CEP63: variants seen among roughly 807,000 people sequenced by gnomAD.
The protein encoded by CEP63 is centrosomal protein of 63 kDa.
CEP63 carries 84 observed loss-of-function variants against 89.1 expected under a neutral mutation model. That is an observed-to-expected ratio of 0.94 (90% confidence interval 0.79 to 1.13). CEP63 has a LOEUF of 1.13. Ranked by LOEUF, CEP63 falls within the 50% of genes most tolerant of loss-of-function variation. The pLI is 0.00. For missense variants in CEP63, 838 were observed against 813.3 expected (o/e 1.03, Z -0.37); for synonymous variants, 267 against 272.5 (o/e 0.98, Z 0.20).
downstream of CEP63, among the ~76,000 whole-genome samples, chr3:134,568,339 A>C (rs974795603): frequency 8.5e-5 from 13 of 152,310 alleles, no homozygotes; most frequent in African/African-American, 3.1e-4. Flanking sequence ...CAACTTAAAT[A>C]AAATACAACA....
Position 134,507,138 on chromosome 3 carries a change from T to TA in CEP63, c.75dup (p.Gln26ThrfsTer8). On this transcript the variant is annotated frameshift_variant, in exon 3 of 15. Coordinates refer to ENST00000675561, the MANE Select transcript of CEP63 (RefSeq NM_001353108.3). LOFTEE classifies it high-confidence loss of function. ...TTTTTGACATCTTGTGAAGCAGAAC[T>TA]ACAGGAGCTCATGAAACAGATTGAC... is the stretch of plus-strand genomic sequence containing the variant. 6.2e-7 allele frequency: 1 copy of TA among 1,613,794 alleles called. No homozygotes were observed. Among genetic ancestry groups the TA allele is most frequent in the Non-Finnish European group, 8.5e-7 (1 of 1,179,866 alleles).
the CEP63 span, among the ~76,000 whole-genome samples, chr3:134,675,177 T>C: frequency 6.6e-6 from 1 of 152,184 alleles, no homozygotes; most frequent in African/African-American, 2.4e-5. Context: ...TAGTCTGGCA[T>C]ATGAATAGAC....
At chr3:134,493,564 G>A (rs1274315736) in intron 1 of CEP63, among the ~76,000 whole-genome samples, 2 of 152,040 alleles carry the variant, frequency 1.3e-5, no homozygotes, top group Admixed American at 6.6e-5. Context: ...TCACGTTTGT[G>A]CACAAATAAT....
At chr3:134,536,399 T>C (rs1950782136) in intron 5 of CEP63, 1 of 152,570 alleles carries the variant, frequency 6.6e-6, no homozygotes, top group African/African-American at 2.4e-5. Flanking sequence ...ACTTCTGGAG[T>C]TGAGGGTCCT....
the CEP63 span, among the ~76,000 whole-genome samples, chr3:134,599,910 G>A: frequency 6.6e-6 from 1 of 152,004 alleles, no homozygotes; most frequent in Admixed American, 6.6e-5. Flanking sequence ...AGAATGAATC[G>A]ATAATTACAT....
the CEP63 span, among the ~76,000 whole-genome samples, chr3:134,718,811 T>C: frequency 6.6e-6 from 1 of 152,244 alleles, no homozygotes; most frequent in Admixed American, 6.5e-5. Context: ...TTGATCAGAC[T>C]GGAGTGCACA....
At chr3:134,629,489 C>A in the CEP63 span, 3 of 666,544 alleles carry the variant, frequency 4.5e-6, no homozygotes, top group Admixed American at 7.5e-5. Flanking sequence ...ATGCTTCTGC[C>A]TTTTCCCAGT....
the CEP63 span, among the ~76,000 whole-genome samples, chr3:134,682,505 C>G: frequency 6.6e-6 from 1 of 152,100 alleles, no homozygotes; most frequent in African/African-American, 2.4e-5. Context: ...AGGGGGAGCC[C>G]GCTGTGTGAT....
At chr3:134,603,894 G>A in the CEP63 span, 1 of 1,614,024 alleles carries the variant, frequency 6.2e-7, no homozygotes, top group Non-Finnish European at 8.5e-7. Flanking sequence ...TGTTGGCACA[G>A]CATACAAGGT....
At chr3:134,752,665 C>T in the CEP63 span, among the ~76,000 whole-genome samples, 5 of 152,292 alleles carry the variant, frequency 3.3e-5, no homozygotes, top group Middle Eastern at 0.01. Flanking sequence ...TTCCCTGACA[C>T]CGAGTGGGCA....
the CEP63 span, among the ~76,000 whole-genome samples, chr3:134,649,475 G>A: frequency 6.6e-6 from 1 of 152,336 alleles, no homozygotes; most frequent in African/African-American, 2.4e-5. Flanking sequence ...ATTCTGGACT[G>A]TGGTACATGT....
chr3:134,641,639 A>T, the CEP63 span, among the ~76,000 whole-genome samples: 40 of 152,204 alleles, frequency 2.6e-4, 2 homozygotes, highest in South Asian at 8.3e-4. Flanking sequence ...GTAAGAGAAT[A>T]AATCTGCAGT....
intron 14 of CEP63, among the ~76,000 whole-genome samples, chr3:134,560,293 T>C (rs1326747346): frequency 6.6e-6 from 1 of 152,222 alleles, no homozygotes; most frequent in East Asian, 1.9e-4. Context: ...ACTGGGGTAA[T>C]ACAGTTGATC....
intron 2 of CEP63, among the ~76,000 whole-genome samples, chr3:134,499,179 T>A (rs1449624660): frequency 6.6e-6 from 1 of 152,228 alleles, no homozygotes; most frequent in South Asian, 2.1e-4. Context: ...TTTTCTCTCT[T>A]GGGAGACTTT....
chr3:134,641,823 G>A, the CEP63 span, among the ~76,000 whole-genome samples: 1 of 152,116 alleles, frequency 6.6e-6, no homozygotes, highest in African/African-American at 2.4e-5. Flanking sequence ...GATTGTCTGT[G>A]TCTCCTCACT....
Position 134,535,500 on chromosome 3 carries a change from C to CTTTTTTTTTTTTTTTTTTTTT in CEP63, c.442-1644_442-1643insTTTTTTTTTTTTTTTTTTTTT. ...GTCATGTCATTGGACCTTTCCTTTC[C>CTTTTTTTTTTTTTTTTTTTTT]TTTTTTTTTTTCCTATCTACGCTCA... On this transcript the variant is annotated intron_variant, in intron 5 of 14. Coordinates refer to ENST00000675561, the MANE Select transcript of CEP63 (RefSeq NM_001353108.3). The CTTTTTTTTTTTTTTTTTTTTT allele has an allele frequency of 1.4e-5, 2 of 143,288 alleles. 1 individual carries two copies. Among genetic ancestry groups the CTTTTTTTTTTTTTTTTTTTTT allele is most frequent in the Non-Finnish European group, 3.0e-5 (2 of 66,762 alleles). 8.9% of individuals were successfully genotyped at this position (143,288 alleles called of 1,614,324 possible).
intron 1 of CEP63, among the ~76,000 whole-genome samples, chr3:134,493,527 A>G (rs892127660): frequency 3.9e-5 from 6 of 152,062 alleles, no homozygotes; most frequent in African/African-American, 1.4e-4. Flanking sequence ...ATGTAGGATA[A>G]ACCAACTAGA....
the CEP63 span, among the ~76,000 whole-genome samples, chr3:134,613,470 G>A: frequency 6.6e-5 from 10 of 152,296 alleles, 1 homozygote; most frequent in South Asian, 1.9e-3. Context: ...CTGAGTGGGG[G>A]TGATGGCCCC....
chr3:134,745,766 G>A, the CEP63 span, among the ~76,000 whole-genome samples: 1 of 151,092 alleles, frequency 6.6e-6, no homozygotes, highest in South Asian at 2.1e-4. Flanking sequence ...TCCCACCTAT[G>A]AGTGAGAACA....
Sources: gnomAD v4.1 joint callset for allele counts (sites outside exome capture counted in the v4.1 genomes callset) on GRCh38, gnomAD v4.1.1 for gene constraint, MANE v1.5 for transcripts, NCBI Gene and HGNC (gene_info 2026-07-23, HGNC 2026-07-21) for gene names.